MALRD1: variants seen among roughly 807,000 people sequenced by gnomAD.
The protein encoded by MALRD1 is MAM and LDL-receptor class A domain-containing protein 1.
MALRD1 carries 247 observed loss-of-function variants against 242.1 expected under a neutral mutation model. The observed-to-expected ratio is 1.02, with a 90% CI of 0.92 to 1.13. MALRD1 has a LOEUF of 1.13. MALRD1 is among the 50% of genes most tolerant of loss of function. The pLI, the probability that MALRD1 is intolerant of heterozygous loss-of-function variation, is 0.00. For missense variants in MALRD1, 2,989 were observed against 2,533.1 expected (o/e 1.18, Z -3.86); for synonymous variants, 995 against 866.6 (o/e 1.15, Z -2.60).
At chr10:19,622,348 G>GA (rs768090569) in intron 36 of MALRD1, among the ~76,000 whole-genome samples, 1 of 150,656 alleles carries the variant, frequency 6.6e-6, no homozygotes, top group African/African-American at 2.4e-5. Context: ...CTATTAAAAG[G>GA]AAAAAATGAA....
intron 18 of MALRD1, among the ~76,000 whole-genome samples, chr10:19,238,180 A>T (rs549021177): frequency 1.2e-4 from 7 of 56,264 alleles, no homozygotes; most frequent in Non-Finnish European, 1.5e-4. Context: ...ATTATATATA[A>T]TATGTAATAT....
chr10:19,683,837 T>C (rs1489664359), intron 36 of MALRD1, among the ~76,000 whole-genome samples: 1 of 152,202 alleles, frequency 6.6e-6, no homozygotes, highest in Non-Finnish European at 1.5e-5. Context: ...GGTATACATG[T>C]GCTGTGGTGG....
chr10:19,395,743 T>A (rs578097537), intron 28 of MALRD1, among the ~76,000 whole-genome samples: 49 of 152,360 alleles, frequency 3.2e-4, no homozygotes, highest in Admixed American at 1.7e-3. Context: ...TAAATATTTC[T>A]TTATATCATC....
intron 24 of MALRD1, among the ~76,000 whole-genome samples, chr10:19,345,604 G>A (rs959488533): frequency 3.3e-5 from 5 of 151,956 alleles, no homozygotes; most frequent in Non-Finnish European, 5.9e-5. Flanking sequence ...TTTGAAAACT[G>A]AATTAGCAAT....
At chr10:19,609,676 A>G (rs937338689) in intron 35 of MALRD1, among the ~76,000 whole-genome samples, 10 of 152,096 alleles carry the variant, frequency 6.6e-5, no homozygotes, top group African/African-American at 2.4e-4. Flanking sequence ...AATCCTGTTC[A>G]TGCCTAACTT....
At chr10:19,448,465 A>G (rs1054869389) in intron 28 of MALRD1, among the ~76,000 whole-genome samples, 3 of 152,122 alleles carry the variant, frequency 2.0e-5, no homozygotes, top group Non-Finnish European at 4.4e-5. Context: ...AATATCCATC[A>G]TTATGATTTG....
intron 24 of MALRD1, among the ~76,000 whole-genome samples, chr10:19,343,592 G>A (rs957668013): frequency 2.0e-5 from 3 of 152,054 alleles, no homozygotes; most frequent in Non-Finnish European, 4.4e-5. Context: ...GAACTCTACA[G>A]GATGTGACCT....
At chr10:19,355,173 T>C (rs997513801) in intron 26 of MALRD1, among the ~76,000 whole-genome samples, 1 of 152,022 alleles carries the variant, frequency 6.6e-6, no homozygotes, top group Non-Finnish European at 1.5e-5. Context: ...CAGGGATGGT[T>C]CATGCACACT....
chr10:19,184,142 G>C (rs1204869679), intron 14 of MALRD1, among the ~76,000 whole-genome samples: 2 of 152,182 alleles, frequency 1.3e-5, no homozygotes, highest in South Asian at 2.1e-4. Context: ...TATCAGAAAA[G>C]TTCAATGCCA....
intron 1 of MALRD1, among the ~76,000 whole-genome samples, chr10:19,066,084 T>A (rs1035676330): frequency 6.6e-6 from 1 of 152,200 alleles, no homozygotes; most frequent in African/African-American, 2.4e-5. Flanking sequence ...TGTATTTGCA[T>A]ATAACCTATA....
intron 36 of MALRD1, among the ~76,000 whole-genome samples, chr10:19,646,517 A>C (rs994934058): frequency 1.3e-5 from 2 of 152,266 alleles, no homozygotes; most frequent in Admixed American, 6.5e-5. Flanking sequence ...AGGCAGGAGA[A>C]CTGCCTGAAC....
Position 19,505,696 on chromosome 10 carries a change from A to G in MALRD1, c.5320+7050A>G, listed in dbSNP as rs1397278912. On this transcript the variant is annotated intron_variant, in intron 31 of 39. Coordinates refer to ENST00000454679, the MANE Select transcript of MALRD1 (RefSeq NM_001142308.3). ...CTCAGACCACTTGGAGGAATAGGGA[A>G]ATTGGCCCTGCTTCTCACATTTCAA... Among the ~76,000 whole-genome samples the G allele has an allele frequency of 3.3e-5, 5 of 152,324 alleles. No homozygotes were observed. The East Asian group carries it at 9.6e-4, about 29-fold the overall frequency.
At chr10:19,634,207 AT>A (rs1840030693) in intron 36 of MALRD1, among the ~76,000 whole-genome samples, 1 of 152,110 alleles carries the variant, frequency 6.6e-6, no homozygotes, top group Non-Finnish European at 1.5e-5. Context: ...TCAAAAAGTT[AT>A]TCCTCTCATT....
chr10:19,710,931 G>A (rs1272443504), intron 38 of MALRD1: 1 of 152,190 alleles, frequency 6.6e-6, no homozygotes, highest in Non-Finnish European at 1.5e-5. Context: ...GCTCTTAAAA[G>A]AGGTGACTTG....
chr10:19,435,350 A>G (rs963062188), intron 28 of MALRD1, among the ~76,000 whole-genome samples: 105 of 152,156 alleles, frequency 6.9e-4, no homozygotes, highest in African/African-American at 2.4e-3. Context: ...TGATGAACCA[A>G]TATTGTCCGC....
intron 28 of MALRD1, among the ~76,000 whole-genome samples, chr10:19,391,150 A>T (rs1388879164): frequency 1.3e-5 from 2 of 152,228 alleles, no homozygotes; most frequent in African/African-American, 4.8e-5. Context: ...CCAATGGCAT[A>T]GAATTCCTGT....
intron 26 of MALRD1, among the ~76,000 whole-genome samples, chr10:19,380,273 C>G (rs1845781958): frequency 1.4e-5 from 1 of 72,142 alleles, no homozygotes; most frequent in African/African-American, 6.5e-5. Flanking sequence ...CTGCGGCCAG[C>G]CTTCTTTTTT....
intron 19 of MALRD1, among the ~76,000 whole-genome samples, chr10:19,269,696 T>A (rs774027066): frequency 2.0e-5 from 3 of 152,142 alleles, no homozygotes; most frequent in Non-Finnish European, 2.9e-5. Flanking sequence ...AAGAAACGCT[T>A]TTCTCATTTA....
chr10:19,567,720 GA>G lies in MALRD1; in HGVS notation c.5680+21del, dbSNP rs1253806298. On this transcript the variant is annotated intron_variant, in intron 33 of 39. Coordinates refer to ENST00000454679, the MANE Select transcript of MALRD1 (RefSeq NM_001142308.3). ...TGACTGGAGGTAAGTGATTCTTTCA[GA>G]AAATGGGAATAAGTATTTGTTTTTA... The G allele has an allele frequency of 1.3e-6, 2 of 1,542,480 alleles. No homozygotes were observed. Among genetic ancestry groups the G allele is most frequent in the Non-Finnish European group, 1.8e-6 (2 of 1,139,928 alleles).
Sources: allele counts gnomAD v4.1 joint callset (sites outside exome capture counted in the v4.1 genomes callset), GRCh38; gene constraint gnomAD v4.1.1; transcripts MANE v1.5; gene names NCBI Gene and HGNC (gene_info 2026-07-23, HGNC 2026-07-21).